Variants in GRIP1 observed in about 807,000 individuals in gnomAD.
The protein encoded by GRIP1 is glutamate receptor interacting protein 1, also known as glutamate receptor-interacting protein 1.
Under a neutral mutation model 129.9 loss-of-function variants are expected in GRIP1, and 45 were observed. That is an observed-to-expected ratio of 0.35 (90% CI 0.27 to 0.44). The LOEUF is 0.44. GRIP1 is among the 20% of genes least tolerant of loss of function. The pLI, the probability that GRIP1 is intolerant of heterozygous loss-of-function variation, is 1.00. For synonymous variants in GRIP1, 530 were observed against 520.8 expected, an observed-to-expected ratio of 1.02 and a Z score of -0.24; for missense variants, 1,196 against 1,396.8, an observed-to-expected ratio of 0.86 and a Z score of 2.29.
At chr12:66,690,459 T>C (rs1343039701) in intron 1 of GRIP1, among the ~76,000 whole-genome samples, 1 of 151,940 alleles carries the variant, frequency 6.6e-6, no homozygotes, top group Non-Finnish European at 1.5e-5. Flanking sequence ...TGTTTCCACA[T>C]ATTGGCTACT....
At position 66,881,915 on chromosome 12, in the gene GRIP1, C is replaced by A. The variant is rs374579966; in HGVS notation, c.58+187135G>T. On this transcript the variant is annotated intron_variant, in intron 1 of 1. Transcript: ENST00000643019. Reference sequence around the variant, plus strand: ...TAATATTAAGAGGTTTAATAGAATGCCTGGTACAAACCAAGTATTTGAAAA... The same window carrying A: ...TAATATTAAGAGGTTTAATAGAATGACTGGTACAAACCAAGTATTTGAAAA... 1.5e-4 allele frequency among the ~76,000 whole-genome samples: 23 copies of A among 152,272 alleles called. 1 individual carries two copies. The highest frequency in any genetic ancestry group is 5.5e-4 in the African/African-American group (23 of 41,554).
At chr12:66,973,216 T>A (rs2042099382) in intron 1 of GRIP1, among the ~76,000 whole-genome samples, 1 of 152,102 alleles carries the variant, frequency 6.6e-6, no homozygotes, top group African/African-American at 2.4e-5. Flanking sequence ...AGTAGAACCA[T>A]TGTTGAAAAG....
At chr12:66,432,044 G>T (rs2058162881) in intron 14 of GRIP1, among the ~76,000 whole-genome samples, 1 of 151,766 alleles carries the variant, frequency 6.6e-6, no homozygotes, top group Non-Finnish European at 1.5e-5. Flanking sequence ...AGTAAATAAA[G>T]GTAATTTTTG....
chr12:66,516,895 C>G (rs148116015), intron 6 of GRIP1, among the ~76,000 whole-genome samples: 1 of 152,100 alleles, frequency 6.6e-6, no homozygotes, highest in African/African-American at 2.4e-5. Context: ...GAATTCCTCC[C>G]GCAGTTCTTT....
chr12:66,937,988 T>C (rs1016960246), intron 1 of GRIP1, among the ~76,000 whole-genome samples: 2 of 152,216 alleles, frequency 1.3e-5, no homozygotes, highest in Non-Finnish European at 2.9e-5. Flanking sequence ...AATTGAAACA[T>C]ATTATTGAAG....
intron 1 of GRIP1, among the ~76,000 whole-genome samples, chr12:66,614,556 T>C (rs2064955713): frequency 6.6e-6 from 1 of 152,146 alleles, no homozygotes; most frequent in Non-Finnish European, 1.5e-5. Context: ...CATCACCTCT[T>C]GCCTGCACCA....
In GRIP1 at chr12:66,406,385, T is replaced by C; in HGVS notation, c.1882A>G (p.Asn628Asp). 1 of 1,614,170 alleles carries C rather than the reference T, an allele frequency of 6.2e-7. No homozygotes were observed. Among genetic ancestry groups the C allele is most frequent in the Non-Finnish European group, 8.5e-7 (1 of 1,179,992 alleles). ...ELGDKLLAID[N>D]IRLDNCSMED... ...ATGGAACAGTTGTCCAGCCGGATAT[T>C]ATCTATTGCGAGCAATTTATCCCCA... The change falls in exon 16 of 25, where the codon AAT becomes GAT. Residue 628 changes from asparagine to aspartate, a missense_variant. Asn to Asp is a conservative substitution (Grantham distance 23). This residue lies in a region of GRIP1 where 508 missense variants were observed against 587.0 expected (regional missense o/e 0.87). Coordinates refer to ENST00000359742, the MANE Select transcript of GRIP1 (RefSeq NM_001366722.1).
At chr12:67,065,637 A>ATC (rs2135904322) in intron 1 of GRIP1, among the ~76,000 whole-genome samples, 1 of 152,332 alleles carries the variant, frequency 6.6e-6, no homozygotes, top group East Asian at 1.9e-4. Flanking sequence ...GAAACAGATA[A>ATC]TCTTTCCAAG....
At chr12:66,869,186 C>G (rs1258683921) in intron 1 of GRIP1, among the ~76,000 whole-genome samples, 1 of 151,934 alleles carries the variant, frequency 6.6e-6, no homozygotes, top group Non-Finnish European at 1.5e-5. Flanking sequence ...GCCTGGCACA[C>G]TGACCTGTAC....
intron 1 of GRIP1, among the ~76,000 whole-genome samples, chr12:67,036,824 CACA>C (rs961149630): frequency 5.3e-5 from 8 of 152,230 alleles, no homozygotes; most frequent in Admixed American, 1.3e-4. Context: ...TTGACTTCTC[CACA>C]ACATCTCCAA....
At chr12:66,629,429 C>A (rs983920699) in intron 1 of GRIP1, among the ~76,000 whole-genome samples, 1 of 152,250 alleles carries the variant, frequency 6.6e-6, no homozygotes, top group African/African-American at 2.4e-5. Flanking sequence ...TCCTATACTT[C>A]ATCTCCGCTC....
At chr12:66,915,364 T>C (rs2041103179) in intron 1 of GRIP1, among the ~76,000 whole-genome samples, 1 of 151,944 alleles carries the variant, frequency 6.6e-6, no homozygotes, top group Non-Finnish European at 1.5e-5. Flanking sequence ...CATCTTGGGG[T>C]GGTAGTGGAA....
intron 1 of GRIP1, among the ~76,000 whole-genome samples, chr12:67,057,553 G>C (rs1416525282): frequency 6.6e-6 from 1 of 152,136 alleles, no homozygotes; most frequent in Non-Finnish European, 1.5e-5. Flanking sequence ...TAGGGTCTGG[G>C]AGGGTAAGGG....
At chr12:66,947,356 A>G (rs1247353021) in intron 1 of GRIP1, among the ~76,000 whole-genome samples, 1 of 152,230 alleles carries the variant, frequency 6.6e-6, no homozygotes, top group Non-Finnish European at 1.5e-5. Context: ...CCCTGTCATC[A>G]TAGTAGCCAT....
intron 24 of GRIP1, among the ~76,000 whole-genome samples, chr12:66,351,138 C>T (rs1184809605): frequency 6.6e-6 from 1 of 152,182 alleles, no homozygotes. Flanking sequence ...AAAATCATCA[C>T]CAGAATTGAT....
At chr12:66,675,903 A>G (rs1203965205) in intron 1 of GRIP1, among the ~76,000 whole-genome samples, 1 of 152,180 alleles carries the variant, frequency 6.6e-6, no homozygotes, top group Admixed American at 6.6e-5. Flanking sequence ...TAGGTACCTG[A>G]TAAGGCAAAA....
chr12:66,795,602 A>T (rs1452992858), intron 1 of GRIP1, among the ~76,000 whole-genome samples: 2 of 152,200 alleles, frequency 1.3e-5, no homozygotes, highest in Non-Finnish European at 1.5e-5. Flanking sequence ...TATTTAACAC[A>T]TAGTAAGTTA....
intron 1 of GRIP1, among the ~76,000 whole-genome samples, chr12:66,771,580 T>A (rs1472963158): frequency 6.6e-6 from 1 of 152,162 alleles, no homozygotes; most frequent in African/African-American, 2.4e-5. Context: ...TGGAGATAAT[T>A]TACTTTTGGT....
At chr12:66,898,548 G>A (rs1358200096) in intron 1 of GRIP1, among the ~76,000 whole-genome samples, 1 of 152,072 alleles carries the variant, frequency 6.6e-6, no homozygotes, top group Non-Finnish European at 1.5e-5. Context: ...CCTTTTCCAA[G>A]CTCTGGATGC....
Sources: allele counts gnomAD v4.1 joint callset (sites outside exome capture counted in the v4.1 genomes callset), GRCh38; gene constraint gnomAD v4.1.1; regional missense constraint gnomAD v4.1.1; transcripts MANE v1.5; gene names NCBI Gene and HGNC (gene_info 2026-07-23, HGNC 2026-07-21).